MS4A5: variants seen among roughly 807,000 people sequenced by gnomAD.
MS4A5 encodes the protein membrane spanning 4-domains A5, also known as membrane-spanning 4-domains subfamily A member 5.
Under a neutral mutation model 18.2 loss-of-function variants are expected in MS4A5, and 15 were observed. The observed-to-expected ratio is 0.83, with a 90% CI of 0.55 to 1.27. The LOEUF (loss-of-function observed/expected upper bound fraction) is 1.27, where lower values mean the gene tolerates loss of function less well. Among genes scored for constraint, MS4A5 ranks in the 50% most tolerant of loss-of-function variants. The pLI is 0.00. For missense variants in MS4A5, 232 were observed against 225.7 expected (o/e 1.03, Z -0.18); for synonymous variants, 89 against 78.7 (o/e 1.13, Z -0.69).
At chr11:60,430,458 A>G (rs1015931310) in intron 1 of MS4A5, among the ~76,000 whole-genome samples, 2 of 152,328 alleles carry the variant, frequency 1.3e-5, no homozygotes, top group Middle Eastern at 3.4e-3. Flanking sequence ...TGAAGAACTT[A>G]TGAAGACACA....
chr11:60,439,993 A>C (rs930988864), intron 4 of MS4A5, among the ~76,000 whole-genome samples: 1 of 147,114 alleles, frequency 6.8e-6, no homozygotes, highest in Non-Finnish European at 1.5e-5. Flanking sequence ...AAAGAACAAA[A>C]CTGGAGGCAT....
chr11:60,441,456 T>A (rs1463066792), intron 4 of MS4A5, among the ~76,000 whole-genome samples: 17 of 105,844 alleles, frequency 1.6e-4, no homozygotes, highest in South Asian at 3.1e-4. Context: ...AAAAGGCCAT[T>A]AAAAAAAAAA....
chr11:60,435,776 G>T (rs941591107), intron 4 of MS4A5, among the ~76,000 whole-genome samples: 102 of 152,212 alleles, frequency 6.7e-4, no homozygotes, highest in Non-Finnish European at 9.1e-4. Flanking sequence ...GGCTCGGAGG[G>T]TCCTATGCCC....
chr11:60,430,684 A>T, intron 1 of MS4A5, 112 bp from the exon 2 acceptor site: 1 of 1,216,752 alleles, frequency 8.2e-7, no homozygotes, highest in Non-Finnish European at 1.2e-6. Flanking sequence ...TTCTTCCCCT[A>T]ATTACCAAAG....
chr11:60,444,518 A>C (rs929730847), intron 4 of MS4A5, among the ~76,000 whole-genome samples: 1 of 152,136 alleles, frequency 6.6e-6, no homozygotes, highest in Non-Finnish European at 1.5e-5. Flanking sequence ...CTCTATATAT[A>C]TCTCTCTCTC....
intron 4 of MS4A5, among the ~76,000 whole-genome samples, chr11:60,440,084 A>G (rs1450982156): frequency 7.5e-6 from 1 of 134,120 alleles, no homozygotes; most frequent in Non-Finnish European, 1.6e-5. Flanking sequence ...AGAGATATAG[A>G]TCAATGGAAC....
rs75338981 is a variant in MS4A5 at position 60,447,705 on chromosome 11, T to C, written c.549T>C (p.Pro183=). 5,682 of 1,601,252 alleles carry C rather than the reference T, an allele frequency of 3.5e-3. 191 individuals are homozygous for C. In the African/African-American group the frequency reaches 0.068, roughly 19 times the overall value. Reference sequence around the variant, plus strand: ...TTATTGAATTATTCATTTCTCTGCCTTTCTCAATTTTGGGGTGCCACTCAG... The same window carrying C: ...TTATTGAATTATTCATTTCTCTGCCCTTCTCAATTTTGGGGTGCCACTCAG... The part of the protein sequence containing the change: ...FSIIELFISL[P]FSILGCHSED... The change falls in exon 5 of 5, where the codon CCT becomes CCC. Residue 183 remains proline (P), a synonymous_variant. Transcript: ENST00000300190.
intron 4 of MS4A5, among the ~76,000 whole-genome samples, chr11:60,445,923 A>G (rs971657479): frequency 6.6e-6 from 1 of 152,228 alleles, no homozygotes; most frequent in Non-Finnish European, 1.5e-5. Flanking sequence ...AGAAGTGTGC[A>G]ATGTCACTGC....
intron 4 of MS4A5, among the ~76,000 whole-genome samples, chr11:60,444,573 A>G (rs1480732586): frequency 6.6e-6 from 1 of 152,218 alleles, no homozygotes; most frequent in Admixed American, 6.5e-5. Context: ...CCTGAAAATC[A>G]ATAATAAAAA....
chr11:60,435,072 C>T (rs559836764), intron 4 of MS4A5, among the ~76,000 whole-genome samples: 6 of 152,306 alleles, frequency 3.9e-5, no homozygotes, highest in South Asian at 2.1e-4. Context: ...CCTCCTTGCA[C>T]GCCCCAATCC....
chr11:60,438,520 C>A (rs1346061142), intron 4 of MS4A5, among the ~76,000 whole-genome samples: 1 of 151,992 alleles, frequency 6.6e-6, no homozygotes, highest in Non-Finnish European at 1.5e-5. Flanking sequence ...AATTGATAGA[C>A]TGCTAGCAAG....
chr11:60,433,764 G>A lies in MS4A5; in HGVS notation c.340-1G>A. ...ATTGTTATGTTCTTATTCTATTTCAGATAATATTGAGCCGAATAATGAATT... is the reference window on the plus strand; with the variant it reads ...ATTGTTATGTTCTTATTCTATTTCAAATAATATTGAGCCGAATAATGAATT... On this transcript the variant is annotated splice_acceptor_variant, in intron 3 of 4. Coordinates refer to ENST00000300190, the MANE Select transcript of MS4A5 (RefSeq NM_023945.3). LOFTEE classifies it high-confidence loss of function. 6.2e-7 allele frequency: 1 copy of A among 1,613,368 alleles called. No homozygotes were observed. Among genetic ancestry groups the A allele is most frequent in the Admixed American group, 1.7e-5 (1 of 60,020 alleles).
At position 60,429,601 on chromosome 11, in the gene MS4A5, GC is replaced by G. The variant is rs2135169092; in HGVS notation, c.-73del. 1 of 1,436,304 alleles carries G rather than the reference GC, an allele frequency of 7.0e-7. No individual in the cohort carries two copies. 89.0% of individuals were successfully genotyped at this position (1,436,304 alleles called of 1,614,324 possible). ...AATTCCAGTGCTCCAGGCAGCCTCAGCACAAGAAAAGAACATGGTCTAGACT... is the reference window on the plus strand; with the variant it reads ...AATTCCAGTGCTCCAGGCAGCCTCAGACAAGAAAAGAACATGGTCTAGACT... On this transcript the variant is annotated 5_prime_UTR_variant, in exon 1 of 5. Coordinates refer to ENST00000300190, the MANE Select transcript of MS4A5 (RefSeq NM_023945.3).
rs1451642314 is a variant in MS4A5, at chr11:60,436,351, T to A, written c.492+2434T>A. ...AAAACAGAACAGAAAAACTGGAAACTCTAAAAAGCAGAGTGCCACTCCTCC... is the reference window on the plus strand; with the variant it reads ...AAAACAGAACAGAAAAACTGGAAACACTAAAAAGCAGAGTGCCACTCCTCC... On this transcript the variant is annotated intron_variant, in intron 4 of 4. Coordinates refer to ENST00000300190, the MANE Select transcript of MS4A5 (RefSeq NM_023945.3). 5.0e-5 allele frequency among the ~76,000 whole-genome samples: 7 copies of A among 139,278 alleles called. 1 individual carries two copies. The highest frequency in any genetic ancestry group is 1.7e-4 in the African/African-American group (7 of 40,586). The allele number at this position is 139,278 out of a possible 152,430, so 91.4% of individuals were successfully genotyped here.
At position 60,447,780 on chromosome 11, in the gene MS4A5, A is replaced by T. The variant is rs1428218019; in HGVS notation, c.*21A>T. 7.3e-7 allele frequency: 1 copy of T among 1,373,268 alleles called. No homozygotes were observed. The highest frequency in any genetic ancestry group is 2.0e-5 in the Admixed American group (1 of 50,626). 85.1% of individuals were successfully genotyped at this position (1,373,268 alleles called of 1,614,324 possible). On this transcript the variant is annotated 3_prime_UTR_variant, in exon 5 of 5. Transcript: ENST00000300190. ...GTTGACTAGCACTGTGAGAATAAAGATGTGTTAAAATATTATGTAGCAATG... is the reference window on the plus strand; with the variant it reads ...GTTGACTAGCACTGTGAGAATAAAGTTGTGTTAAAATATTATGTAGCAATG...
At chr11:60,435,182 C>T (rs934012652) in intron 4 of MS4A5, among the ~76,000 whole-genome samples, 10 of 151,996 alleles carry the variant, frequency 6.6e-5, no homozygotes, top group African/African-American at 1.2e-4. Flanking sequence ...GAAGCAAAAC[C>T]GAAGTCTATC....
chr11:60,434,700 T>G (rs529793779), intron 4 of MS4A5, among the ~76,000 whole-genome samples: 1 of 152,318 alleles, frequency 6.6e-6, no homozygotes, highest in East Asian at 1.9e-4. Flanking sequence ...CAGCTGGAAC[T>G]ACTAGATCAA....
intron 4 of MS4A5, among the ~76,000 whole-genome samples, chr11:60,436,224 A>G (rs2135174144): frequency 6.6e-6 from 1 of 151,300 alleles, no homozygotes; most frequent in Non-Finnish European, 1.5e-5. Flanking sequence ...CCTCTCTGTT[A>G]GAAGGAAAAC....
chr11:60,444,929 T>C (rs1237285614), intron 4 of MS4A5, among the ~76,000 whole-genome samples: 3 of 152,222 alleles, frequency 2.0e-5, no homozygotes, highest in East Asian at 3.8e-4. Flanking sequence ...TTTATAGCAG[T>C]CCTATTCATT....
Sources: allele counts gnomAD v4.1 joint callset (sites outside exome capture counted in the v4.1 genomes callset), GRCh38; gene constraint gnomAD v4.1.1; transcripts MANE v1.5; gene names NCBI Gene and HGNC (gene_info 2026-07-23, HGNC 2026-07-21).